Variants in MTUS2 observed in about 807,000 individuals in gnomAD.
MTUS2 encodes microtubule associated scaffold protein 2.
In MTUS2, 40 loss-of-function variants were observed where a neutral mutation model predicts 114.1. The ratio of observed to expected loss-of-function variants is 0.35; its 90% confidence interval spans 0.27 to 0.46. The LOEUF is 0.46. Among genes scored for constraint, MTUS2 ranks in the 20% least tolerant of loss-of-function variants. MTUS2 has a pLI of 1.00. For missense variants in MTUS2, 1,679 were observed against 1,705.4 expected, an observed-to-expected ratio of 0.98 and a Z score of 0.27; for synonymous variants, 688 against 672.0, an observed-to-expected ratio of 1.02 and a Z score of -0.37.
At chr13:28,945,529 G>A (rs189541083) in intron 2 of MTUS2, among the ~76,000 whole-genome samples, 10 of 152,292 alleles carry the variant, frequency 6.6e-5, no homozygotes, top group Non-Finnish European at 1.3e-4. Context: ...TCTGACTGGT[G>A]TAAGATGATA....
intron 8 of MTUS2, among the ~76,000 whole-genome samples, chr13:29,403,489 T>C (rs1463218187): frequency 6.6e-6 from 1 of 152,192 alleles, no homozygotes; most frequent in Non-Finnish European, 1.5e-5. Context: ...GTTGTGTCTA[T>C]GAGGGTGTAT....
chr13:29,441,359 C>T (rs1877851367), intron 9 of MTUS2, among the ~76,000 whole-genome samples: 1 of 152,156 alleles, frequency 6.6e-6, no homozygotes, highest in South Asian at 2.1e-4. Flanking sequence ...GGCCCCACTC[C>T]CCGCAGACGC....
At chr13:29,441,508 C>A (rs904276438) in intron 9 of MTUS2, among the ~76,000 whole-genome samples, 2 of 152,010 alleles carry the variant, frequency 1.3e-5, no homozygotes, top group African/African-American at 4.8e-5. Flanking sequence ...GCCAAGGCCT[C>A]CATGATTGAA....
chr13:29,243,585 T>TA (rs1340612856), intron 5 of MTUS2, among the ~76,000 whole-genome samples: 1 of 152,222 alleles, frequency 6.6e-6, no homozygotes, highest in African/African-American at 2.4e-5. Flanking sequence ...CTTGAAGCCT[T>TA]AGAGCATTAA....
intron 2 of MTUS2, among the ~76,000 whole-genome samples, chr13:28,851,419 A>G (rs1443209483): frequency 6.6e-6 from 1 of 152,270 alleles, no homozygotes; most frequent in Non-Finnish European, 1.5e-5. Flanking sequence ...GAATCAGAGT[A>G]CCTGTTTCAA....
intron 2 of MTUS2, among the ~76,000 whole-genome samples, chr13:28,931,684 A>AT (rs138375836): frequency 0.088 from 13,450 of 152,148 alleles, 668 homozygotes; most frequent in South Asian, 0.13. Flanking sequence ...TGTATTAGGT[A>AT]TTTTTTTATT....
chr13:29,002,153 G>T (rs1885413208), intron 2 of MTUS2, among the ~76,000 whole-genome samples: 1 of 152,214 alleles, frequency 6.6e-6, no homozygotes, highest in South Asian at 2.1e-4. Context: ...TATAGGAAAT[G>T]AATGCAGTGA....
intron 2 of MTUS2, among the ~76,000 whole-genome samples, chr13:28,963,437 A>AT (rs1883428405): frequency 6.6e-6 from 1 of 152,198 alleles, no homozygotes. Context: ...TCAAAAGTAA[A>AT]TGTCCCTTTC....
intron 8 of MTUS2, among the ~76,000 whole-genome samples, 167 bp downstream of exon 8, chr13:29,359,640 T>TG (rs1197771549): frequency 4.6e-5 from 7 of 152,200 alleles, no homozygotes; most frequent in African/African-American, 7.2e-5. Context: ...CCATCATCTT[T>TG]GGGGAGCCAC....
At chr13:29,422,018 A>G (rs1411756512) in intron 8 of MTUS2, among the ~76,000 whole-genome samples, 5 of 152,214 alleles carry the variant, frequency 3.3e-5, no homozygotes, top group Admixed American at 6.5e-5. Flanking sequence ...TACTTTTTAT[A>G]AAGCATTGAC....
chr13:28,972,239 G>A (rs975596468), intron 2 of MTUS2, among the ~76,000 whole-genome samples: 1 of 152,200 alleles, frequency 6.6e-6, no homozygotes, highest in African/African-American at 2.4e-5. Context: ...GGAAGATGCA[G>A]CCCTTGGCAT....
At chr13:29,245,694 ATTTTT>A (rs34670074) in intron 5 of MTUS2, among the ~76,000 whole-genome samples, 3 of 125,578 alleles carry the variant, frequency 2.4e-5, no homozygotes, top group African/African-American at 6.1e-5. Context: ...ATCTATTTTA[ATTTTT>A]TTTTTTTTTT....
chr13:28,873,247 A>C (rs760535945), intron 2 of MTUS2, among the ~76,000 whole-genome samples: 2 of 152,100 alleles, frequency 1.3e-5, no homozygotes, highest in Non-Finnish European at 2.9e-5. Context: ...CATGGGGGAA[A>C]ATTTTCTTCC....
chr13:29,337,103 C>T (rs1472020458), intron 7 of MTUS2, among the ~76,000 whole-genome samples: 1 of 152,150 alleles, frequency 6.6e-6, no homozygotes. Context: ...TTCTGCTGAG[C>T]TAGACCACTT....
chr13:28,918,187 T>C (rs1880851359), intron 2 of MTUS2, among the ~76,000 whole-genome samples: 1 of 151,950 alleles, frequency 6.6e-6, no homozygotes, highest in Non-Finnish European at 1.5e-5. Flanking sequence ...ATCTGTTAGG[T>C]TGATTTGATC....
At chr13:28,980,924 T>A (rs1463222015) in intron 2 of MTUS2, among the ~76,000 whole-genome samples, 1 of 152,268 alleles carries the variant, frequency 6.6e-6, no homozygotes, top group African/African-American at 2.4e-5. Context: ...ATAACCACAC[T>A]AGGGCAACAG....
At chr13:29,176,477 A>C (rs567579891) in intron 5 of MTUS2, among the ~76,000 whole-genome samples, 1 of 152,276 alleles carries the variant, frequency 6.6e-6, no homozygotes, top group Admixed American at 6.5e-5. Flanking sequence ...CCAGGGTCTT[A>C]GTCCACTTGG....
At chr13:28,902,515 A>C (rs921879206) in intron 2 of MTUS2, among the ~76,000 whole-genome samples, 3 of 152,084 alleles carry the variant, frequency 2.0e-5, no homozygotes, top group African/African-American at 7.2e-5. Flanking sequence ...CTTTACTCCT[A>C]ACTTGCTGAG....
intron 2 of MTUS2, among the ~76,000 whole-genome samples, chr13:29,022,934 G>A (rs1019963944): frequency 2.5e-4 from 38 of 152,242 alleles, no homozygotes; most frequent in Non-Finnish European, 5.4e-4. Context: ...TACATAATAC[G>A]TGCCTAATAT....
Sources: allele counts gnomAD v4.1 joint callset (sites outside exome capture counted in the v4.1 genomes callset), GRCh38; gene constraint gnomAD v4.1.1; transcripts MANE v1.5; gene names NCBI Gene and HGNC (gene_info 2026-07-23, HGNC 2026-07-21).